IGFBP7: variants seen among roughly 807,000 people sequenced by gnomAD.
IGFBP7 encodes the protein insulin-like growth factor-binding protein 7.
In IGFBP7, 31 loss-of-function variants were observed where a neutral mutation model predicts 29.4. The ratio of observed to expected loss-of-function variants is 1.05; its 90% CI spans 0.79 to 1.42. The LOEUF is 1.42. IGFBP7 is among the 40% of genes most tolerant of loss of function. The pLI, the probability that IGFBP7 is intolerant of heterozygous loss-of-function variation, is 0.00. For missense variants in IGFBP7, 393 were observed against 395.5 expected (o/e 0.99, Z 0.05); for synonymous variants, 172 against 174.9 (o/e 0.98, Z 0.13).
At chr4:57,048,918 G>T (rs1210943786) in intron 1 of IGFBP7, among the ~76,000 whole-genome samples, 2 of 152,236 alleles carry the variant, frequency 1.3e-5, no homozygotes, top group East Asian at 3.9e-4. Flanking sequence ...AAACTAGGAA[G>T]TGTCTAAGAA....
intron 1 of IGFBP7, among the ~76,000 whole-genome samples, chr4:57,060,144 G>A (rs1578624099): frequency 6.6e-6 from 1 of 152,136 alleles, no homozygotes; most frequent in Non-Finnish European, 1.5e-5. Flanking sequence ...AGTGCAACTG[G>A]TCCTACGATA....
At chr4:57,043,842 G>T (rs1418888223) in intron 1 of IGFBP7, among the ~76,000 whole-genome samples, 1 of 152,150 alleles carries the variant, frequency 6.6e-6, no homozygotes, top group Non-Finnish European at 1.5e-5. Context: ...CCCTGCAAAG[G>T]GCTGGGCCTC....
chr4:57,085,341 G>A (rs970632844), intron 1 of IGFBP7, among the ~76,000 whole-genome samples: 5 of 151,990 alleles, frequency 3.3e-5, no homozygotes, highest in Non-Finnish European at 5.9e-5. Context: ...ATCTTCAGTG[G>A]TTGCTGCTTT....
intron 1 of IGFBP7, among the ~76,000 whole-genome samples, chr4:57,080,450 G>T (rs568065984): frequency 6.6e-6 from 1 of 152,104 alleles, no homozygotes; most frequent in African/African-American, 2.4e-5. Flanking sequence ...ACACACGAAG[G>T]GTTTTCCTAA....
At chr4:57,069,888 G>C (rs954782884) in intron 1 of IGFBP7, among the ~76,000 whole-genome samples, 1 of 152,136 alleles carries the variant, frequency 6.6e-6, no homozygotes, top group Non-Finnish European at 1.5e-5. Flanking sequence ...TTTCAGAACA[G>C]ACTGGCCAAC....
chr4:57,102,676 C>T (rs956597845), intron 1 of IGFBP7, among the ~76,000 whole-genome samples: 1 of 152,194 alleles, frequency 6.6e-6, no homozygotes, highest in Admixed American at 6.5e-5. Context: ...GATTACTTTC[C>T]TCTGAAAGAA....
At chr4:57,046,821 C>T (rs1025927004) in intron 1 of IGFBP7, among the ~76,000 whole-genome samples, 1 of 152,176 alleles carries the variant, frequency 6.6e-6, no homozygotes. Context: ...AGATGTCCAC[C>T]CAAGGTGGAC....
In IGFBP7 at chr4:57,110,133, ACC is replaced by A. The variant is rs754757941; in HGVS notation, c.217_218del (p.Gly73TrpfsTer24). 4.0e-6 allele frequency: 6 copies of A among 1,495,056 alleles called. No individual in the cohort carries two copies. The South Asian group carries it at 7.5e-5, about 19-fold the overall frequency. The allele number at this position is 1,495,056 out of a possible 1,614,324, so 92.6% of individuals were successfully genotyped here. On this transcript the variant is annotated frameshift_variant, in exon 1 of 5. Transcript: ENST00000295666. LOFTEE classifies it high-confidence loss of function. ...CGCAGTACCCCCTGCCGGCGCCGCC[ACC>A]CCCGCACGGCTCGCCCTCGCCGCGG... is the stretch of plus-strand genomic sequence containing the variant. ...CARGEGEPCG[G>X]GGAGRGYCAP... is the part of the protein sequence containing the mutation.
intron 1 of IGFBP7, among the ~76,000 whole-genome samples, chr4:57,075,712 A>C (rs1725205703): frequency 6.6e-6 from 1 of 152,198 alleles, no homozygotes; most frequent in Admixed American, 6.5e-5. Context: ...AAAAAAGCTA[A>C]AGAGAATTTG....
intron 1 of IGFBP7, among the ~76,000 whole-genome samples, chr4:57,047,543 G>A (rs1343544197): frequency 6.6e-6 from 1 of 151,954 alleles, no homozygotes; most frequent in East Asian, 1.9e-4. Context: ...AACCTTGGAA[G>A]AAAACAAAAA....
In IGFBP7 at chr4:57,110,200, C is replaced by T. The variant is rs999577014; in HGVS notation, c.152G>A (p.Gly51Asp). ...PPLPPLGCLLGETRDACGCCP... is the reference protein window; with the variant it reads ...PPLPPLGCLLDETRDACGCCP... ...GCAGCCGCACGCGTCGCGGGTCTCG[C>T]CCAGCAGGCAGCCCAGCGGGGGCAG... Residue 51 changes from glycine (G) to aspartate (D), a missense_variant, in exon 1 of 5, where the codon GGC (glycine) becomes GAC (aspartate). By Grantham distance (94) the Gly-to-Asp change is moderately conservative. Transcript: ENST00000295666. The T allele has an allele frequency of 2.9e-6, 4 of 1,381,954 alleles. No individual in the cohort carries two copies. In the African/African-American group the frequency reaches 6.1e-5, roughly 21 times the overall value. The allele number at this position is 1,381,954 out of a possible 1,614,324, so 85.6% of individuals were successfully genotyped here. A position where few individuals can be genotyped will look rare whatever the true frequency, so the allele number is the denominator to read the frequency against.
At chr4:57,072,951 A>G (rs1725091766) in intron 1 of IGFBP7, 7 of 800,896 alleles carry the variant, frequency 8.7e-6, no homozygotes, top group African/African-American at 3.4e-5. Context: ...ATCCTGAAGG[A>G]CAAGTGGTCT....
At chr4:57,043,206 G>T (rs1473344307) in intron 1 of IGFBP7, among the ~76,000 whole-genome samples, 1 of 152,204 alleles carries the variant, frequency 6.6e-6, no homozygotes, top group Non-Finnish European at 1.5e-5. Flanking sequence ...GCAGAGGAGG[G>T]TCATGGAGCT....
chr4:57,054,639 C>CCAAAAAA (rs1724601308), intron 1 of IGFBP7, among the ~76,000 whole-genome samples: 1 of 27,854 alleles, frequency 3.6e-5, no homozygotes, highest in African/African-American at 9.7e-5. Flanking sequence ...CTCTCTCTCA[C>CCAAAAAA]AAAAAAAAAA....
chr4:57,088,511 GAA>G (rs1168002117), intron 1 of IGFBP7, among the ~76,000 whole-genome samples: 3 of 152,004 alleles, frequency 2.0e-5, no homozygotes, highest in Non-Finnish European at 2.9e-5. Context: ...TATCCCTCCA[GAA>G]AAAGAGGGAA....
chr4:57,107,922 T>A (rs1462823382), intron 1 of IGFBP7, among the ~76,000 whole-genome samples: 1 of 152,198 alleles, frequency 6.6e-6, no homozygotes, highest in Admixed American at 6.5e-5. Flanking sequence ...ATATTAAGTA[T>A]AAACTAGAAA....
intron 1 of IGFBP7, among the ~76,000 whole-genome samples, chr4:57,109,397 C>T (rs1039753218): frequency 1.3e-5 from 2 of 152,078 alleles, no homozygotes; most frequent in Non-Finnish European, 2.9e-5. Flanking sequence ...TGCCACTGCC[C>T]TCCACCCTGG....
At chr4:57,087,576 A>G (rs1445736850) in intron 1 of IGFBP7, among the ~76,000 whole-genome samples, 1 of 152,212 alleles carries the variant, frequency 6.6e-6, no homozygotes, top group African/African-American at 2.4e-5. Context: ...AGAGGTATAT[A>G]GGAAAAAAGT....
intron 1 of IGFBP7, among the ~76,000 whole-genome samples, chr4:57,048,032 C>T (rs975987508): frequency 6.6e-6 from 1 of 151,864 alleles, no homozygotes; most frequent in Non-Finnish European, 1.5e-5. Flanking sequence ...CCATGCCTGG[C>T]TTCTCCTTTG....
Sources: gnomAD v4.1 joint callset for allele counts (sites outside exome capture counted in the v4.1 genomes callset) on GRCh38, gnomAD v4.1.1 for gene constraint, MANE v1.5 for transcripts, NCBI Gene and HGNC (gene_info 2026-07-23, HGNC 2026-07-21) for gene names.